GPR89B: variants seen among roughly 807,000 people sequenced by gnomAD.
The protein encoded by GPR89B is golgi pH regulator B.
In GPR89B, 25 loss-of-function variants were observed where a neutral mutation model predicts 52.4. The observed-to-expected ratio is 0.48, with a 90% CI of 0.35 to 0.67. The LOEUF is 0.67. Among genes scored for constraint, GPR89B ranks in the 30% least tolerant of loss-of-function variants. GPR89B has a pLI of 0.01. For missense variants in GPR89B, 146 were observed against 450.2 expected (o/e 0.32, Z 6.11); for synonymous variants, 52 against 151.2 (o/e 0.34, Z 4.81).
chr1:147,973,611 TGTTG>T (rs1657628557), intron 10 of GPR89B, among the ~76,000 whole-genome samples: 3 of 151,840 alleles, frequency 2.0e-5, no homozygotes, highest in Non-Finnish European at 2.9e-5. Context: ...TCTCCCATTC[TGTTG>T]GTTGTCTGTT....
chr1:148,007,186 C>T, the GPR89B span, among the ~76,000 whole-genome samples: 4 of 140,940 alleles, frequency 2.8e-5, no homozygotes, highest in East Asian at 8.4e-4. Context: ...CACCATTCTC[C>T]TGCCTCAGCC....
At chr1:148,017,987 C>G in the GPR89B span, among the ~76,000 whole-genome samples, 2 of 144,310 alleles carry the variant, frequency 1.4e-5, no homozygotes, top group African/African-American at 5.3e-5. Flanking sequence ...CATAATGTGC[C>G]CTGAGCTAAG....
rs1172759325 is a variant in GPR89B at position 147,943,288 on chromosome 1, A to G, written c.207-150A>G. On this transcript the variant is annotated intron_variant, in intron 3 of 13. Transcript: ENST00000314163. The stretch of plus-strand genomic sequence containing the variant: ...AAATTTGTATTTTTTAATCTCTACA[A>G]ATGAGTAGATTTTAAGAGCCTAGTA... 7.9e-6 allele frequency: 9 copies of G among 1,146,038 alleles called. No homozygotes were observed. The Admixed American group carries it at 7.9e-5, about 10-fold the overall frequency. The allele number at this position is 1,146,038 out of a possible 1,614,324, so 71.0% of individuals were successfully genotyped here.
the GPR89B span, among the ~76,000 whole-genome samples, chr1:148,002,336 A>G: frequency 6.6e-6 from 1 of 151,998 alleles, no homozygotes; most frequent in Non-Finnish European, 1.5e-5. Flanking sequence ...TCTACCCTGA[A>G]TGCAGTTTGT....
chr1:147,979,307 C>T (rs1396358263), intron 10 of GPR89B, among the ~76,000 whole-genome samples: 5 of 152,146 alleles, frequency 3.3e-5, no homozygotes, highest in Admixed American at 1.3e-4. Flanking sequence ...GCCCCTCCAC[C>T]GACCTTGCCA....
intron 12 of GPR89B, among the ~76,000 whole-genome samples, chr1:147,991,151 A>G (rs1367087239): frequency 6.6e-6 from 1 of 150,908 alleles, no homozygotes; most frequent in Non-Finnish European, 1.5e-5. Flanking sequence ...TTCTCCTTGA[A>G]GAGGTCCTTC....
At chr1:147,948,310 A>G (rs1655181583) in intron 5 of GPR89B, among the ~76,000 whole-genome samples, 1 of 152,144 alleles carries the variant, frequency 6.6e-6, no homozygotes, top group Admixed American at 6.5e-5. Flanking sequence ...GGCAAGAGAT[A>G]GAATGGAAAG....
chr1:148,011,809 A>AT, the GPR89B span: 1 of 152,144 alleles, frequency 6.6e-6, no homozygotes, highest in Non-Finnish European at 1.5e-5. Context: ...TGATATTTAT[A>AT]TTTTTAATGA....
At chr1:148,020,046 C>A in the GPR89B span, among the ~76,000 whole-genome samples, 1 of 151,334 alleles carries the variant, frequency 6.6e-6, no homozygotes, top group Admixed American at 6.6e-5. Context: ...GTTCCTGGGT[C>A]CTGAAGGCCT....
downstream of GPR89B, among the ~76,000 whole-genome samples, chr1:147,997,967 A>G (rs1659355527): frequency 6.6e-6 from 1 of 152,216 alleles, no homozygotes; most frequent in Non-Finnish European, 1.5e-5. Context: ...AAACTCTCCA[A>G]CATCTTTAAA....
the GPR89B span, among the ~76,000 whole-genome samples, chr1:148,019,795 T>G: frequency 6.6e-6 from 1 of 152,008 alleles, no homozygotes; most frequent in African/African-American, 2.4e-5. Context: ...TGTTTTTCCC[T>G]GAACTGGCCT....
the GPR89B span, among the ~76,000 whole-genome samples, chr1:148,003,206 T>C: frequency 3.9e-5 from 6 of 152,176 alleles, no homozygotes; most frequent in Non-Finnish European, 7.4e-5. Context: ...TAACAACTTA[T>C]GGGCGAATAG....
downstream of GPR89B, among the ~76,000 whole-genome samples, chr1:147,997,203 A>T (rs1298317543): frequency 6.6e-6 from 1 of 152,072 alleles, no homozygotes; most frequent in Non-Finnish European, 1.5e-5. Context: ...AACACATTAG[A>T]AAAAGTAAAA....
chr1:148,019,643 C>T, the GPR89B span, among the ~76,000 whole-genome samples: 9 of 152,108 alleles, frequency 5.9e-5, no homozygotes, highest in Middle Eastern at 3.4e-3. Flanking sequence ...ACAAAAAGAA[C>T]GGTGCAAATC....
intron 10 of GPR89B, among the ~76,000 whole-genome samples, chr1:147,983,094 T>C (rs1476416120): frequency 6.6e-5 from 10 of 152,186 alleles, no homozygotes; most frequent in Admixed American, 6.5e-5. Flanking sequence ...CCCTATTTAA[T>C]AAATGGTGCT....
intron 3 of GPR89B, among the ~76,000 whole-genome samples, chr1:147,940,124 C>A (rs1228595601): frequency 6.6e-6 from 1 of 151,936 alleles, no homozygotes; most frequent in Admixed American, 6.6e-5. Context: ...CAAACCTTGG[C>A]CGGGCGCGGT....
chr1:147,962,939 C>A (rs1383988301), intron 7 of GPR89B, among the ~76,000 whole-genome samples: 3 of 144,072 alleles, frequency 2.1e-5, no homozygotes, highest in Non-Finnish European at 3.0e-5. Context: ...AAATGTAAAA[C>A]TATAAAACTT....
At chr1:148,015,301 C>CTA in the GPR89B span, among the ~76,000 whole-genome samples, 1 of 118,584 alleles carries the variant, frequency 8.4e-6, no homozygotes, top group Non-Finnish European at 1.7e-5. Context: ...GGATCTCTCT[C>CTA]TCTCTCTCTC....
intron 7 of GPR89B, among the ~76,000 whole-genome samples, chr1:147,961,768 G>T (rs1489864654): frequency 2.6e-5 from 4 of 151,916 alleles, no homozygotes; most frequent in Non-Finnish European, 2.9e-5. Flanking sequence ...AACAAAACAT[G>T]TATATAGGAC....
Sources: gnomAD v4.1 joint callset for allele counts (sites outside exome capture counted in the v4.1 genomes callset) on GRCh38, gnomAD v4.1.1 for gene constraint, MANE v1.5 for transcripts, NCBI Gene and HGNC (gene_info 2026-07-23, HGNC 2026-07-21) for gene names.